ZNF438: variants seen among roughly 807,000 people sequenced by gnomAD.
ZNF438 encodes the protein zinc finger protein 438.
A neutral mutation model predicts 38.0 loss-of-function variants in ZNF438; 25 were observed. The observed-to-expected ratio is 0.66, with a 90% CI of 0.48 to 0.92. The LOEUF (loss-of-function observed/expected upper bound fraction) is 0.92. ZNF438 is among the 40% of genes least tolerant of loss of function. ZNF438 has a pLI of 0.00. For missense variants in ZNF438, 1,007 were observed against 999.6 expected, an observed-to-expected ratio of 1.01 and a Z score of -0.10; for synonymous variants, 372 against 364.1, an observed-to-expected ratio of 1.02 and a Z score of -0.25.
At chr10:30,864,842 G>A (rs752218964) in intron 4 of ZNF438, among the ~76,000 whole-genome samples, 37 of 152,166 alleles carry the variant, frequency 2.4e-4, no homozygotes, top group Non-Finnish European at 4.9e-4. Flanking sequence ...GAATCCTGAA[G>A]TTCTATTTTG....
chr10:30,990,881 A>C, intron 1 of ZNF438, among the ~76,000 whole-genome samples: 1 of 152,096 alleles, frequency 6.6e-6, no homozygotes, highest in East Asian at 1.9e-4. Flanking sequence ...TTTAATGAGC[A>C]AAACCAAGAG....
At chr10:30,855,233 G>C (rs961024359) in intron 4 of ZNF438, among the ~76,000 whole-genome samples, 37 of 152,174 alleles carry the variant, frequency 2.4e-4, no homozygotes, top group Non-Finnish European at 8.8e-5. Flanking sequence ...TCCTGGCTGC[G>C]AGAGCACCGA....
chr10:30,873,399 A>C (rs1294338090), intron 4 of ZNF438, among the ~76,000 whole-genome samples: 1 of 152,240 alleles, frequency 6.6e-6, no homozygotes, highest in East Asian at 1.9e-4. Flanking sequence ...ATAACATTTA[A>C]ATAGAAGAAA....
chr10:30,907,646 A>C (rs768953578), intron 3 of ZNF438, among the ~76,000 whole-genome samples: 1 of 152,116 alleles, frequency 6.6e-6, no homozygotes, highest in Non-Finnish European at 1.5e-5. Flanking sequence ...AAATATTTTG[A>C]CATATAATTA....
chr10:31,019,570 G>C lies in ZNF438; in HGVS notation c.-192+12263C>G, dbSNP rs367666096. On this transcript the variant is annotated intron_variant, in intron 1 of 5. Coordinates refer to ENST00000413025, the Ensembl canonical transcript of ZNF438. ...TAAAAAGGCAAGGGATTAAAATCCA[G>C]TGTATGCCAAGAACTGCTGCAAAAA... 3.9e-5 allele frequency among the ~76,000 whole-genome samples: 6 copies of C among 151,966 alleles called. No homozygotes were observed. In the East Asian group the frequency reaches 7.7e-4, roughly 20 times the overall value.
chr10:30,903,320 C>A (rs913623634), intron 3 of ZNF438, among the ~76,000 whole-genome samples: 1 of 152,150 alleles, frequency 6.6e-6, no homozygotes, highest in African/African-American at 2.4e-5. Context: ...GCACCGAGAG[C>A]GAGTGAGGGC....
chr10:30,882,747 C>T (rs1764039284), intron 3 of ZNF438, among the ~76,000 whole-genome samples: 1 of 152,018 alleles, frequency 6.6e-6, no homozygotes, highest in Non-Finnish European at 1.5e-5. Context: ...ACCCATCCAT[C>T]GAGGTGAAGA....
At chr10:30,872,971 A>G (rs1161895133) in intron 4 of ZNF438, among the ~76,000 whole-genome samples, 1 of 152,214 alleles carries the variant, frequency 6.6e-6, no homozygotes, top group African/African-American at 2.4e-5. Context: ...TCCCTGTCAG[A>G]GAATCATTTG....
chr10:30,873,491 C>T (rs757921069), intron 4 of ZNF438, among the ~76,000 whole-genome samples: 20 of 152,198 alleles, frequency 1.3e-4, no homozygotes, highest in Non-Finnish European at 2.2e-4. Context: ...ATTCCACTTG[C>T]TTGACTTGTA....
chr10:31,000,445 T>C (rs527439697), intron 1 of ZNF438, among the ~76,000 whole-genome samples: 148 of 152,326 alleles, frequency 9.7e-4, no homozygotes, highest in Non-Finnish European at 3.2e-4. Flanking sequence ...GAAACACTGA[T>C]GTATAATTCC....
At chr10:30,886,840 G>A (rs1259323124) in intron 3 of ZNF438, among the ~76,000 whole-genome samples, 1 of 152,102 alleles carries the variant, frequency 6.6e-6, no homozygotes, top group African/African-American at 2.4e-5. Flanking sequence ...CGTTATTGAA[G>A]GATAATTTAC....
At chr10:30,969,829 G>GT (rs146309850) in intron 1 of ZNF438, among the ~76,000 whole-genome samples, 19,250 of 149,224 alleles carry the variant, frequency 0.13, 1,600 homozygotes, top group Middle Eastern at 0.25. Context: ...AGTTTTTATT[G>GT]TTTTTTTTTC....
At chr10:31,003,386 T>G (rs2054842229) in intron 1 of ZNF438, among the ~76,000 whole-genome samples, 1 of 152,176 alleles carries the variant, frequency 6.6e-6, no homozygotes, top group Non-Finnish European at 1.5e-5. Context: ...TCTTGCTTAC[T>G]CTTCCCGTTG....
intron 1 of ZNF438, among the ~76,000 whole-genome samples, chr10:30,990,366 A>G (rs1344674533): frequency 6.6e-6 from 1 of 152,234 alleles, no homozygotes; most frequent in Non-Finnish European, 1.5e-5. Flanking sequence ...TAATATGCAT[A>G]AATGGCTGCT....
At chr10:30,878,124 A>C (rs2038706044) in intron 3 of ZNF438, among the ~76,000 whole-genome samples, 1 of 152,198 alleles carries the variant, frequency 6.6e-6, no homozygotes, top group Non-Finnish European at 1.5e-5. Flanking sequence ...CTTCAAGTCA[A>C]AGTAGCCTGA....
chr10:30,845,338 G>A, exon 6 of ZNF438: 2 of 1,614,184 alleles, frequency 1.2e-6, no homozygotes, highest in Non-Finnish European at 1.7e-6. Flanking sequence ...CTCTCAGGAT[G>A]CCTTTTCCAG....
intron 2 of ZNF438, among the ~76,000 whole-genome samples, chr10:30,933,550 C>T (rs1030563043): frequency 2.6e-5 from 4 of 152,122 alleles, no homozygotes; most frequent in Admixed American, 6.6e-5. Context: ...CCTAGCAGTT[C>T]AAGGCTACTG....
chr10:30,867,667 T>C (rs1375911775), intron 4 of ZNF438, among the ~76,000 whole-genome samples: 1 of 152,114 alleles, frequency 6.6e-6, no homozygotes, highest in East Asian at 1.9e-4. Flanking sequence ...TGAGTACGAG[T>C]GGGCAGGTTT....
At position 30,908,971 on chromosome 10, in the gene ZNF438, T is replaced by A. The variant is rs777848149; in HGVS notation, c.-70A>T. On this transcript the variant is annotated 5_prime_UTR_variant, in exon 3 of 6. The change abolishes an upstream ATG in the 5' untranslated region. Coordinates refer to ENST00000413025, the Ensembl canonical transcript of ZNF438. ...TGCATGAAGTTTGTGGTTAATTCCA[T>A]CAAAATGTTCAGAAGATAAGATGTG... The A allele has an allele frequency of 6.6e-6, 1 of 152,138 alleles. No homozygotes were observed. The highest frequency in any genetic ancestry group is 1.5e-5 in the Non-Finnish European group (1 of 68,010). 9.4% of individuals were successfully genotyped at this position (152,138 alleles called of 1,614,324 possible). A position where few individuals can be genotyped will look rare whatever the true frequency, so the allele number is the denominator to read the frequency against.
Sources: allele counts gnomAD v4.1 joint callset (sites outside exome capture counted in the v4.1 genomes callset), GRCh38; gene constraint gnomAD v4.1.1; transcripts MANE v1.5; gene names NCBI Gene and HGNC (gene_info 2026-07-23, HGNC 2026-07-21).